The following COL22A1 variants were observed in gnomAD, a reference collection of about 807,000 sequenced individuals.
COL22A1 encodes the protein collagen type XXII alpha 1 chain, also known as collagen alpha-1(XXII) chain.
Under a neutral mutation model 248.9 loss-of-function variants are expected in COL22A1, and 221 were observed. That is an observed-to-expected ratio of 0.89 (90% CI 0.80 to 0.99). The LOEUF (loss-of-function observed/expected upper bound fraction) is 0.99, where lower values mean the gene tolerates loss of function less well. Among genes scored for constraint, COL22A1 ranks in the 50% least tolerant of loss-of-function variants. The pLI, the probability that COL22A1 is intolerant of heterozygous loss-of-function variation, is 0.00. For missense variants in COL22A1, 2,240 were observed against 2,179.0 expected (o/e 1.03, Z -0.56); for synonymous variants, 891 against 793.4 (o/e 1.12, Z -2.07).
At chr8:138,685,339 G>C in intron 37 of COL22A1, 27 bp from the exon 38 acceptor site, 1 of 1,590,308 alleles carries the variant, frequency 6.3e-7, no homozygotes. Context: ...ACATTTCCCA[G>C]GGTCAATTAC....
chr8:138,769,688 G>A (rs1834205068), intron 16 of COL22A1, among the ~76,000 whole-genome samples: 1 of 152,198 alleles, frequency 6.6e-6, no homozygotes, highest in African/African-American at 2.4e-5. Context: ...GAGTGAAGAT[G>A]AATGCGGGCA....
intron 41 of COL22A1, among the ~76,000 whole-genome samples, chr8:138,664,012 C>G (rs1824217985): frequency 6.6e-6 from 1 of 151,840 alleles, no homozygotes; most frequent in South Asian, 2.1e-4. Context: ...GGGCCCAACT[C>G]TACTTTGTAG....
At chr8:138,843,398 G>C (rs1028413067) in intron 4 of COL22A1, among the ~76,000 whole-genome samples, 3 of 152,140 alleles carry the variant, frequency 2.0e-5, no homozygotes, top group East Asian at 1.9e-4. Context: ...CCAAACCCAG[G>C]GGCATTGGCA....
intron 3 of COL22A1, among the ~76,000 whole-genome samples, chr8:138,853,671 A>G (rs540732397): frequency 7.9e-5 from 12 of 152,256 alleles, no homozygotes; most frequent in African/African-American, 2.6e-4. Flanking sequence ...ATACCTCCAA[A>G]CATTTGGGAT....
intron 34 of COL22A1, among the ~76,000 whole-genome samples, chr8:138,693,985 A>C (rs1173572559): frequency 6.6e-6 from 1 of 152,170 alleles, no homozygotes; most frequent in African/African-American, 2.4e-5. Context: ...CAGCCAGGCA[A>C]GGTCCCCAGT....
chr8:138,685,409 G>C, intron 37 of COL22A1, 97 bp from the exon 38 acceptor site: 1 of 951,020 alleles, frequency 1.1e-6, no homozygotes, highest in Non-Finnish European at 1.6e-6. Context: ...GTTTCCTGGG[G>C]CTGCCTTTAT....
rs971627316 is a variant in COL22A1, at chr8:138,669,077, C to T, written c.3151-5337G>A. 1.2e-4 allele frequency among the ~76,000 whole-genome samples: 18 copies of T among 152,264 alleles called. No homozygotes were observed. The East Asian group carries it at 1.4e-3, about 11-fold the overall frequency. On this transcript the variant is annotated intron_variant, in intron 41 of 64. Transcript: ENST00000303045. Reference sequence around the variant, plus strand: ...GAAGCTGGAGTCTGAAGGAGAAGGGCCTGAGCACCTTGCTGGAGAGGCCTC... The same window carrying T: ...GAAGCTGGAGTCTGAAGGAGAAGGGTCTGAGCACCTTGCTGGAGAGGCCTC...
intron 32 of COL22A1, among the ~76,000 whole-genome samples, chr8:138,698,791 G>A (rs965413237): frequency 1.3e-5 from 2 of 151,264 alleles, no homozygotes; most frequent in Admixed American, 1.3e-4. Flanking sequence ...AGGTGAGAGA[G>A]GTGTGGTGTC....
chr8:138,880,168 A>C (rs954295363), intron 2 of COL22A1, among the ~76,000 whole-genome samples: 5 of 152,266 alleles, frequency 3.3e-5, no homozygotes, highest in Non-Finnish European at 4.4e-5. Context: ...AATTAAATAA[A>C]TTACTTAAAG....
At chr8:138,639,006 C>T (rs1395018759) in intron 47 of COL22A1, among the ~76,000 whole-genome samples, 1 of 152,176 alleles carries the variant, frequency 6.6e-6, no homozygotes, top group African/African-American at 2.4e-5. Flanking sequence ...CAGAGAAGGG[C>T]GCTGACATTT....
chr8:138,747,456 G>A (rs776841529), intron 22 of COL22A1, among the ~76,000 whole-genome samples: 7 of 152,126 alleles, frequency 4.6e-5, no homozygotes, highest in Non-Finnish European at 8.8e-5. Flanking sequence ...AAGGAAGCTC[G>A]TCTCCTGCCA....
At chr8:138,849,928 A>G (rs1821506954) in intron 3 of COL22A1, among the ~76,000 whole-genome samples, 1 of 152,176 alleles carries the variant, frequency 6.6e-6, no homozygotes, top group African/African-American at 2.4e-5. Context: ...GCTGTGTGTA[A>G]TGTCAGCATT....
chr8:138,607,813 A>T, intron 57 of COL22A1, 123 bp downstream of exon 57: 3 of 883,554 alleles, frequency 3.4e-6, no homozygotes, highest in East Asian at 5.2e-5. Flanking sequence ...TATTTCTACC[A>T]CTCAAACCCA....
intron 18 of COL22A1, among the ~76,000 whole-genome samples, chr8:138,759,335 C>T (rs1428485915): frequency 4.6e-5 from 7 of 152,180 alleles, no homozygotes; most frequent in South Asian, 2.1e-4. Flanking sequence ...CTGAACTCTG[C>T]GGTGAGCCGC....
At chr8:138,885,164 T>C (rs912725364) in intron 1 of COL22A1, among the ~76,000 whole-genome samples, 1 of 152,194 alleles carries the variant, frequency 6.6e-6, no homozygotes, top group African/African-American at 2.4e-5. Flanking sequence ...AGGAATTATT[T>C]GTGGCTCCAA....
chr8:138,665,651 C>T (rs1824441208), intron 41 of COL22A1, among the ~76,000 whole-genome samples: 1 of 152,162 alleles, frequency 6.6e-6, no homozygotes, highest in African/African-American at 2.4e-5. Flanking sequence ...CAGATAGATT[C>T]CCAAAGGACA....
At position 138,684,476 on chromosome 8, in the gene COL22A1, AAATAAAT is replaced by A; in HGVS notation, c.2968-14_2968-8del. 1.2e-6 allele frequency: 2 copies of A among 1,603,998 alleles called. No homozygotes were observed. Among genetic ancestry groups the A allele is most frequent in the Non-Finnish European group, 1.7e-6 (2 of 1,170,876 alleles). On this transcript the variant is annotated splice_polypyrimidine_tract_variant and splice_region_variant and intron_variant, in intron 38 of 64. Transcript: ENST00000303045. ...CAGGTGATCCACGGAGTCCCTGGAG[AAATAAAT>A]AATACAAGGACAATCATGGAGCTGA...
chr8:138,845,284 G>A (rs1821163513), intron 3 of COL22A1, among the ~76,000 whole-genome samples: 1 of 152,062 alleles, frequency 6.6e-6, no homozygotes, highest in African/African-American at 2.4e-5. Context: ...AGACGGGGGG[G>A]GATCACCTGA....
In COL22A1 at chr8:138,604,752, T is replaced by C. The variant is rs370266282; in HGVS notation, c.4122A>G (p.Lys1374=). The change falls in exon 59 of 65, where the codon AAA becomes AAG. Residue 1374 remains lysine, a synonymous_variant. Coordinates refer to ENST00000303045, the MANE Select transcript of COL22A1 (RefSeq NM_152888.3). ...TACTTGCCTCCTTGCCTGGGACTCC[T>C]TTCTCTCCTGGTTCTCCCTGGAAAA... ...PRGPPGEPGE[K]GVPGKEGVPG... The C allele has an allele frequency of 6.2e-7, 1 of 1,612,756 alleles. No individual in the cohort carries two copies.
Sources: gnomAD v4.1 joint callset for allele counts (sites outside exome capture counted in the v4.1 genomes callset) on GRCh38, gnomAD v4.1.1 for gene constraint, MANE v1.5 for transcripts, NCBI Gene and HGNC (gene_info 2026-07-23, HGNC 2026-07-21) for gene names.